The following DBF4 variants were observed in gnomAD, a reference collection of about 807,000 sequenced individuals.
DBF4 encodes the protein DBF4-CDC7 kinase regulatory subunit, also known as protein DBF4 homolog A.
Under a neutral mutation model 76.6 loss-of-function variants are expected in DBF4, and 25 were observed. That is an observed-to-expected ratio of 0.33 (90% CI 0.24 to 0.46). DBF4 has a LOEUF of 0.46. Ranked by LOEUF, DBF4 falls within the 20% of genes least tolerant of loss-of-function variation. DBF4 has a pLI of 1.00. For missense variants in DBF4, 638 were observed against 760.8 expected (o/e 0.84, Z 1.90); for synonymous variants, 213 against 258.0 (o/e 0.83, Z 1.67).
intron 2 of DBF4, among the ~76,000 whole-genome samples, chr7:87,883,596 A>G (rs1839271786): frequency 6.6e-6 from 1 of 152,238 alleles, no homozygotes; most frequent in Admixed American, 6.5e-5. Flanking sequence ...CCTGGAATAA[A>G]TAAATGTAGG....
rs575012335 is a variant in DBF4, at chr7:87,908,418, A to G, written c.*255A>G. On this transcript the variant is annotated 3_prime_UTR_variant, in exon 12 of 12. Coordinates refer to ENST00000265728, the MANE Select transcript of DBF4 (RefSeq NM_006716.4). The stretch of plus-strand genomic sequence containing the variant: ...TGTTTCCTGAGAATTACAATGAATA[A>G]TAATTTGCTTTGTCACTGAAAACCA... 4.6e-5 allele frequency: 12 copies of G among 258,738 alleles called. No homozygotes were observed. In the South Asian group the frequency reaches 1.7e-3, roughly 36 times the overall value. 16.0% of individuals were successfully genotyped at this position (258,738 alleles called of 1,614,324 possible).
chr7:87,898,842 T>G (rs1404766552), intron 8 of DBF4, among the ~76,000 whole-genome samples: 2 of 149,998 alleles, frequency 1.3e-5, no homozygotes, highest in Non-Finnish European at 3.0e-5. Context: ...CACTTTCTGG[T>G]TTTAAAACTT....
chr7:87,905,507 GTAC>G (rs1839894526), intron 11 of DBF4, among the ~76,000 whole-genome samples: 1 of 152,062 alleles, frequency 6.6e-6, no homozygotes, highest in African/African-American at 2.4e-5. Flanking sequence ...TTTACTAAAG[GTAC>G]TGACAGGACT....
rs190889901 is a variant in DBF4, at chr7:87,898,608, G to A, written c.680+1269G>A. On this transcript the variant is annotated intron_variant, in intron 8 of 11. Coordinates refer to ENST00000265728, the MANE Select transcript of DBF4 (RefSeq NM_006716.4). Reference sequence around the variant, plus strand: ...AGATGGAGACCATCCTGGCTAATACGGTGAAACCCTGTCTCTACTAAAAAT... The same window carrying A: ...AGATGGAGACCATCCTGGCTAATACAGTGAAACCCTGTCTCTACTAAAAAT... 1.6e-4 allele frequency among the ~76,000 whole-genome samples: 24 copies of A among 151,962 alleles called. No homozygotes were observed. In the East Asian group the frequency reaches 4.3e-3, roughly 27 times the overall value.
At chr7:87,885,195 CTA>C in intron 3 of DBF4, 37 bp downstream of exon 3, 1 of 1,512,752 alleles carries the variant, frequency 6.6e-7, no homozygotes, top group Non-Finnish European at 9.0e-7. Context: ...CTCAGAAGGG[CTA>C]TATCCTGAAG....
intron 2 of DBF4, among the ~76,000 whole-genome samples, chr7:87,882,604 C>G (rs1839244561): frequency 6.6e-6 from 1 of 152,144 alleles, no homozygotes; most frequent in African/African-American, 2.4e-5. Flanking sequence ...ATATAAAGAA[C>G]TTCTGTGACC....
intron 8 of DBF4, 31 bp downstream of exon 8, chr7:87,897,370 A>C: frequency 6.2e-7 from 1 of 1,600,276 alleles, no homozygotes; most frequent in Non-Finnish European, 8.5e-7. Flanking sequence ...TGTATGATTT[A>C]AGTGCAATAC....
At chr7:87,889,310 C>T (rs897130418) in intron 6 of DBF4, among the ~76,000 whole-genome samples, 1 of 151,116 alleles carries the variant, frequency 6.6e-6, no homozygotes, top group African/African-American at 2.4e-5. Context: ...CAGGCCCTCC[C>T]CCTCTGTCAT....
chr7:87,887,488 A>G, intron 5 of DBF4, 90 bp downstream of exon 5: 1 of 1,360,444 alleles, frequency 7.4e-7, no homozygotes, highest in Non-Finnish European at 9.9e-7. Flanking sequence ...TGAAATTTTG[A>G]TAGCAGGGAT....
At chr7:87,890,297 G>C (rs1839451602) in intron 6 of DBF4, among the ~76,000 whole-genome samples, 1 of 152,182 alleles carries the variant, frequency 6.6e-6, no homozygotes, top group Non-Finnish European at 1.5e-5. Flanking sequence ...CCAGCACTTT[G>C]GGAGGCCAAG....
At chr7:87,889,669 G>A (rs567236698) in intron 6 of DBF4, among the ~76,000 whole-genome samples, 1 of 151,998 alleles carries the variant, frequency 6.6e-6, no homozygotes, top group South Asian at 2.1e-4. Context: ...TGCATTTCTC[G>A]TTTTTAATAA....
chr7:87,896,002 A>G (rs986227219), intron 6 of DBF4, among the ~76,000 whole-genome samples: 14 of 152,146 alleles, frequency 9.2e-5, no homozygotes, highest in African/African-American at 2.9e-4. Context: ...TTCCTTCCAC[A>G]ATCTGCCTGC....
chr7:87,884,915 T>C, intron 2 of DBF4, 64 bp from the exon 3 acceptor site: 1 of 1,246,488 alleles, frequency 8.0e-7, no homozygotes, highest in South Asian at 1.4e-5. Context: ...CTAGCCTGGA[T>C]AACACAGTGA....
intron 3 of DBF4, 164 bp downstream of exon 3, chr7:87,885,322 GT>G: frequency 1.8e-6 from 1 of 540,580 alleles, no homozygotes; most frequent in Non-Finnish European, 3.2e-6. Flanking sequence ...TTTTAGGAAG[GT>G]GGGTTTTTCC....
Position 87,907,195 on chromosome 7 carries a change from T to C in DBF4, c.1057T>C (p.Tyr353His), listed in dbSNP as rs778075434. Residue 353 changes from tyrosine to histidine, a missense_variant, in exon 12 of 12, where the codon TAC becomes CAC. Physicochemically the swap from Tyr to His is moderately conservative, Grantham distance 83. Transcript: ENST00000265728. ...KDTPKKKRIK[Y>H]SVGSLSPVSA... is the part of the protein sequence containing the mutation. ...TCTATTTTTCCTACAAAGAATAAAA[T>C]ACAGTGTTGGATCCCTTTCTCCTGT... 1.1e-5 allele frequency: 17 copies of C among 1,572,564 alleles called. No individual in the cohort carries two copies. Among genetic ancestry groups the C allele is most frequent in the Middle Eastern group, 1.9e-4 (1 of 5,144 alleles).
intron 10 of DBF4, among the ~76,000 whole-genome samples, chr7:87,901,638 A>G (rs1358542737): frequency 6.6e-6 from 1 of 152,232 alleles, no homozygotes; most frequent in African/African-American, 2.4e-5. Flanking sequence ...GGAGAGTTGC[A>G]AAGGGTATAT....
chr7:87,880,888 A>G (rs1159553842), intron 2 of DBF4, among the ~76,000 whole-genome samples: 2 of 152,226 alleles, frequency 1.3e-5, no homozygotes, highest in Non-Finnish European at 2.9e-5. Context: ...AAATAAGGCA[A>G]TTGGAGAGGA....
chr7:87,900,940 T>A, intron 10 of DBF4, 62 bp downstream of exon 10: 1 of 1,335,236 alleles, frequency 7.5e-7, no homozygotes, highest in Non-Finnish European at 1.1e-6. Flanking sequence ...TGTTTTAAAT[T>A]TTAGCTTGTT....
intron 2 of DBF4, 143 bp downstream of exon 2, chr7:87,878,368 A>G (rs998080239): frequency 6.0e-6 from 4 of 670,766 alleles, no homozygotes; most frequent in African/African-American, 3.7e-5. Flanking sequence ...ATCGTTAACA[A>G]AAAACCATTT....
Sources: gnomAD v4.1 joint callset for allele counts (sites outside exome capture counted in the v4.1 genomes callset) on GRCh38, gnomAD v4.1.1 for gene constraint, MANE v1.5 for transcripts, NCBI Gene and HGNC (gene_info 2026-07-23, HGNC 2026-07-21) for gene names.